DCC: variants seen among roughly 807,000 people sequenced by gnomAD.
The protein encoded by DCC is DCC netrin 1 receptor.
In DCC, 58 loss-of-function variants were observed where a neutral mutation model predicts 172.5. The ratio of observed to expected loss-of-function variants is 0.34; its 90% CI spans 0.27 to 0.42. The LOEUF (loss-of-function observed/expected upper bound fraction) is 0.42, where lower values mean the gene tolerates loss of function less well. DCC is among the 10% of genes least tolerant of loss of function. The pLI is 1.00. For missense variants in DCC, 1,740 were observed against 1,791.0 expected, an observed-to-expected ratio of 0.97 and a Z score of 0.51; for synonymous variants, 709 against 644.5, an observed-to-expected ratio of 1.10 and a Z score of -1.52.
At chr18:52,351,662 G>A (rs956789462) in intron 1 of DCC, among the ~76,000 whole-genome samples, 1 of 152,152 alleles carries the variant, frequency 6.6e-6, no homozygotes, top group African/African-American at 2.4e-5. Flanking sequence ...AAATAGAATT[G>A]CCATGGACAT....
chr18:52,834,967 T>A (rs929356802), intron 2 of DCC, among the ~76,000 whole-genome samples: 5 of 152,214 alleles, frequency 3.3e-5, no homozygotes, highest in Non-Finnish European at 5.9e-5. Context: ...ATGTTACTGC[T>A]CGATATTAAA....
At chr18:52,849,981 A>C (rs2038950213) in intron 2 of DCC, among the ~76,000 whole-genome samples, 1 of 152,206 alleles carries the variant, frequency 6.6e-6, no homozygotes, top group South Asian at 2.1e-4. Context: ...CTTCTGGGTA[A>C]AATAAAATTG....
chr18:52,944,690 C>T (rs1174563196), intron 5 of DCC, among the ~76,000 whole-genome samples: 1 of 152,068 alleles, frequency 6.6e-6, no homozygotes, highest in African/African-American at 2.4e-5. Context: ...CCCCTTCTAC[C>T]CCAGAGCTAC....
At chr18:52,962,530 T>C (rs2040858715) in intron 5 of DCC, among the ~76,000 whole-genome samples, 1 of 151,946 alleles carries the variant, frequency 6.6e-6, no homozygotes, top group African/African-American at 2.4e-5. Context: ...GTTCAACCAA[T>C]GTGGAATTCA....
At chr18:53,276,019 CATTA>C (rs1336456692) in intron 12 of DCC, among the ~76,000 whole-genome samples, 5 of 152,060 alleles carry the variant, frequency 3.3e-5, no homozygotes, top group Non-Finnish European at 2.9e-5. Flanking sequence ...TTATTCATTT[CATTA>C]ATTAATGACA....
chr18:52,511,259 C>T (rs1243379541), intron 1 of DCC, among the ~76,000 whole-genome samples: 64 of 120,188 alleles, frequency 5.3e-4, no homozygotes, highest in African/African-American at 1.8e-3. Flanking sequence ...CCAGCCTGGG[C>T]GACAGGGCAA....
At chr18:53,368,338 T>G (rs949817906) in intron 15 of DCC, among the ~76,000 whole-genome samples, 2 of 152,148 alleles carry the variant, frequency 1.3e-5, no homozygotes, top group African/African-American at 2.4e-5. Context: ...CATATTAATA[T>G]TTTATCAGCT....
intron 7 of DCC, among the ~76,000 whole-genome samples, chr18:53,130,757 G>A (rs1013282621): frequency 6.6e-6 from 1 of 152,010 alleles, no homozygotes; most frequent in African/African-American, 2.4e-5. Context: ...TTAGGTTTGT[G>A]CTTTTTCAGC....
chr18:52,634,778 T>C (rs1296899900), intron 1 of DCC, among the ~76,000 whole-genome samples: 1 of 152,186 alleles, frequency 6.6e-6, no homozygotes, highest in Non-Finnish European at 1.5e-5. Context: ...TCTCACTCTT[T>C]TTCCCCCTTC....
intron 15 of DCC, among the ~76,000 whole-genome samples, chr18:53,345,832 G>C (rs765120659): frequency 6.6e-6 from 1 of 150,992 alleles, no homozygotes; most frequent in Non-Finnish European, 1.5e-5. Context: ...GGTTTTTGAT[G>C]AAAAACCATT....
At chr18:52,868,498 G>A (rs1047502187) in intron 2 of DCC, among the ~76,000 whole-genome samples, 1 of 152,182 alleles carries the variant, frequency 6.6e-6, no homozygotes, top group African/African-American at 2.4e-5. Flanking sequence ...ATGACAGTAA[G>A]AGAAATTTGA....
intron 2 of DCC, among the ~76,000 whole-genome samples, chr18:52,898,903 A>G (rs1184788920): frequency 1.3e-5 from 2 of 152,164 alleles, no homozygotes; most frequent in African/African-American, 4.8e-5. Context: ...CCCTGAGACC[A>G]CTGATAACTT....
chr18:53,422,093 C>T (rs1306077196), intron 21 of DCC, among the ~76,000 whole-genome samples: 2 of 152,118 alleles, frequency 1.3e-5, no homozygotes, highest in African/African-American at 4.8e-5. Flanking sequence ...ACTCAGATCA[C>T]ATACATTTAT....
intron 12 of DCC, among the ~76,000 whole-genome samples, chr18:53,240,026 TAAAAAA>T (rs68158437): frequency 4.3e-5 from 3 of 69,070 alleles, no homozygotes; most frequent in African/African-American, 1.4e-4. Context: ...GTTCTAGAGT[TAAAAAA>T]AAAAAAAAAA....
At chr18:53,382,557 C>A (rs1035511331) in intron 15 of DCC, among the ~76,000 whole-genome samples, 1 of 152,030 alleles carries the variant, frequency 6.6e-6, no homozygotes, top group African/African-American at 2.4e-5. Flanking sequence ...TAAGCTATAT[C>A]ACATACTTTA....
intron 23 of DCC, among the ~76,000 whole-genome samples, chr18:53,452,742 T>C (rs1432017900): frequency 6.6e-6 from 1 of 152,206 alleles, no homozygotes; most frequent in East Asian, 1.9e-4. Context: ...TCAAAGTCTT[T>C]TAATAGTTAC....
In DCC at chr18:52,649,030, T is replaced by G. The variant is rs538906419; in HGVS notation, c.92-103024T>G. ...TTTCTACAACAAATATCCATGTACT[T>G]CTAGTGCATTAGAAATCTCCTTAAA... On this transcript the variant is annotated intron_variant, in intron 1 of 28. Transcript: ENST00000442544. 5.3e-5 allele frequency among the ~76,000 whole-genome samples: 8 copies of G among 152,274 alleles called. 1 individual carries two copies. The South Asian group carries it at 1.5e-3, about 28-fold the overall frequency.
chr18:53,365,890 C>T (rs1164173897), intron 15 of DCC, among the ~76,000 whole-genome samples: 1 of 152,148 alleles, frequency 6.6e-6, no homozygotes, highest in Non-Finnish European at 1.5e-5. Flanking sequence ...CTAGTCATTA[C>T]AGATTTTATG....
chr18:52,775,703 C>G (rs2037418251), intron 2 of DCC, among the ~76,000 whole-genome samples: 1 of 152,190 alleles, frequency 6.6e-6, no homozygotes, highest in African/African-American at 2.4e-5. Flanking sequence ...CTCTTGCCAT[C>G]CAGCCACTTG....
Sources: gnomAD v4.1 joint callset for allele counts (sites outside exome capture counted in the v4.1 genomes callset) on GRCh38, gnomAD v4.1.1 for gene constraint, MANE v1.5 for transcripts, NCBI Gene and HGNC (gene_info 2026-07-23, HGNC 2026-07-21) for gene names.